SYCP2L: variants seen among roughly 807,000 people sequenced by gnomAD.
SYCP2L encodes synaptonemal complex protein 2 like, also known as synaptonemal complex protein 2-like.
A neutral mutation model predicts 125.8 loss-of-function variants in SYCP2L; 98 were observed. The ratio of observed to expected loss-of-function variants is 0.78; its 90% CI spans 0.66 to 0.92. The LOEUF is 0.92. Among genes scored for constraint, SYCP2L ranks in the 40% least tolerant of loss-of-function variants. The pLI, the probability that SYCP2L is intolerant of heterozygous loss-of-function variation, is 0.00. For synonymous variants in SYCP2L, 317 were observed against 325.4 expected (o/e 0.97, Z 0.28); for missense variants, 842 against 936.4 (o/e 0.90, Z 1.32).
intron 29 of SYCP2L, among the ~76,000 whole-genome samples, chr6:10,973,523 T>TC (rs959246660): frequency 2.6e-5 from 4 of 152,032 alleles, no homozygotes; most frequent in African/African-American, 9.7e-5. Flanking sequence ...AGAGTGAGAC[T>TC]CCATCTCAAA....
intron 10 of SYCP2L, among the ~76,000 whole-genome samples, chr6:10,909,269 C>G (rs561390856): frequency 6.6e-6 from 1 of 152,054 alleles, no homozygotes; most frequent in South Asian, 2.1e-4. Flanking sequence ...GCTGGGATTA[C>G]AGGCGTGTGC....
At chr6:10,970,124 C>T (rs747120511) in intron 29 of SYCP2L, among the ~76,000 whole-genome samples, 1 of 152,220 alleles carries the variant, frequency 6.6e-6, no homozygotes, top group Middle Eastern at 3.4e-3. Context: ...AGACTCACAG[C>T]GTGGAAGGAG....
At chr6:10,896,289 G>A (rs1408604586) in intron 4 of SYCP2L, among the ~76,000 whole-genome samples, 1 of 152,214 alleles carries the variant, frequency 6.6e-6, no homozygotes, top group Non-Finnish European at 1.5e-5. Flanking sequence ...ACTGTGGGGA[G>A]AGCTGGGATG....
chr6:10,917,213 T>A (rs1303258645), intron 14 of SYCP2L, among the ~76,000 whole-genome samples: 1 of 152,224 alleles, frequency 6.6e-6, no homozygotes, highest in Non-Finnish European at 1.5e-5. Flanking sequence ...CTTTCTGTCT[T>A]GATGACCTGT....
At chr6:10,890,309 T>A (rs985326058) in intron 1 of SYCP2L, among the ~76,000 whole-genome samples, 1 of 152,228 alleles carries the variant, frequency 6.6e-6, no homozygotes, top group Non-Finnish European at 1.5e-5. Flanking sequence ...TAATTTACAT[T>A]CCTACCAACA....
chr6:10,961,386 C>T lies in SYCP2L; in HGVS notation c.2337C>T (p.His779=), dbSNP rs1473853034. The change falls in exon 27 of 30, where the codon CAC becomes CAT. Residue 779 remains histidine, a synonymous_variant. Transcript: ENST00000283141. ...SLKQDIQALE[H]LEKEVLEFWG... ...AGCAGGATATTCAGGCCCTGGAACA[C>T]CTTGAGAAGGAGGTTCTGGTAAGTT... 1.2e-6 allele frequency: 2 copies of T among 1,614,140 alleles called. No individual in the cohort carries two copies. Among genetic ancestry groups the T allele is most frequent in the Non-Finnish European group, 1.7e-6 (2 of 1,180,004 alleles).
chr6:10,918,617 A>G (rs979185115), intron 14 of SYCP2L, among the ~76,000 whole-genome samples: 6 of 150,034 alleles, frequency 4.0e-5, no homozygotes, highest in African/African-American at 1.5e-4. Context: ...GCTCACTGCA[A>G]CCTCCGCCTC....
At chr6:10,951,210 G>A in intron 23 of SYCP2L, among the ~76,000 whole-genome samples, 1 of 152,056 alleles carries the variant, frequency 6.6e-6, no homozygotes, top group Middle Eastern at 3.2e-3. Flanking sequence ...GATTGCTTGA[G>A]CTTAGGAGTT....
intron 8 of SYCP2L, among the ~76,000 whole-genome samples, chr6:10,905,255 ATAACT>A (rs1162583808): frequency 1.3e-5 from 2 of 151,998 alleles, no homozygotes; most frequent in East Asian, 1.9e-4. Flanking sequence ...CAATAATGTA[ATAACT>A]TAATTCTATT....
intron 1 of SYCP2L, among the ~76,000 whole-genome samples, chr6:10,891,222 AGTTT>A (rs762543728): frequency 7.2e-5 from 11 of 152,138 alleles, no homozygotes; most frequent in African/African-American, 1.9e-4. Flanking sequence ...ATCATTATAG[AGTTT>A]GTTTATTTTG....
intron 15 of SYCP2L, among the ~76,000 whole-genome samples, chr6:10,924,964 T>G (rs182698227): frequency 6.6e-6 from 1 of 152,216 alleles, no homozygotes; most frequent in African/African-American, 2.4e-5. Flanking sequence ...CTGGCATTTC[T>G]GTCTCTCTCA....
At chr6:10,896,255 G>A (rs374844405) in intron 4 of SYCP2L, among the ~76,000 whole-genome samples, 4 of 152,210 alleles carry the variant, frequency 2.6e-5, no homozygotes, top group Admixed American at 6.5e-5. Flanking sequence ...CATGGCTGTT[G>A]TGTCTGGCTT....
intron 8 of SYCP2L, among the ~76,000 whole-genome samples, chr6:10,903,504 C>T (rs982473969): frequency 3.9e-5 from 6 of 152,056 alleles, no homozygotes; most frequent in African/African-American, 1.2e-4. Flanking sequence ...GCCGAGATCG[C>T]GCCACTGTGC....
intron 10 of SYCP2L, among the ~76,000 whole-genome samples, chr6:10,908,131 G>A (rs573328941): frequency 2.9e-4 from 44 of 151,950 alleles, no homozygotes; most frequent in African/African-American, 9.9e-4. Flanking sequence ...CAGGTGATCC[G>A]CCCACCTTGG....
chr6:10,890,755 C>A (rs1376246411), intron 1 of SYCP2L, among the ~76,000 whole-genome samples: 1 of 152,152 alleles, frequency 6.6e-6, no homozygotes, highest in African/African-American at 2.4e-5. Flanking sequence ...TCCATAAAAT[C>A]TTTGCCCAGA....
At chr6:10,926,049 T>TA (rs1442210944) in intron 15 of SYCP2L, among the ~76,000 whole-genome samples, 4 of 152,140 alleles carry the variant, frequency 2.6e-5, no homozygotes, top group Admixed American at 2.0e-4. Flanking sequence ...AAGCAGCGGT[T>TA]AGACGTTACC....
At chr6:10,916,006 T>C (rs1010669798) in intron 14 of SYCP2L, among the ~76,000 whole-genome samples, 1 of 152,216 alleles carries the variant, frequency 6.6e-6, no homozygotes, top group Admixed American at 6.5e-5. Context: ...CTGCTTGTTA[T>C]TGGTCTATTC....
chr6:10,894,780 T>C (rs969087156), intron 4 of SYCP2L, among the ~76,000 whole-genome samples: 1 of 152,192 alleles, frequency 6.6e-6, no homozygotes, highest in East Asian at 1.9e-4. Flanking sequence ...ATCTGCAACA[T>C]CTCTTGCTGC....
At chr6:10,926,062 A>G (rs921769809) in intron 15 of SYCP2L, among the ~76,000 whole-genome samples, 2 of 152,144 alleles carry the variant, frequency 1.3e-5, no homozygotes, top group Non-Finnish European at 2.9e-5. Context: ...ACGTTACCCA[A>G]TGGGGTAAGA....
Sources: allele counts gnomAD v4.1 joint callset (sites outside exome capture counted in the v4.1 genomes callset), GRCh38; gene constraint gnomAD v4.1.1; transcripts MANE v1.5; gene names NCBI Gene and HGNC (gene_info 2026-07-23, HGNC 2026-07-21).